Variants in PBX1 observed in about 807,000 individuals in gnomAD.
The protein encoded by PBX1 is PBX homeobox 1, also known as pre-B-cell leukemia transcription factor 1.
In PBX1, 6 loss-of-function variants were observed where a neutral mutation model predicts 53.4. That is an observed-to-expected ratio of 0.11 (90% confidence interval 0.06 to 0.22). The LOEUF is 0.22. PBX1 is among the 10% of genes least tolerant of loss of function. The pLI is 1.00. For synonymous variants in PBX1, 204 were observed against 212.3 expected (o/e 0.96, Z 0.34); for missense variants, 251 against 551.4 (o/e 0.46, Z 5.46).
chr1:164,617,366 T>A lies in PBX1; in HGVS notation c.265+54055T>A, dbSNP rs372685710. Among the ~76,000 whole-genome samples the A allele has an allele frequency of 1.1e-4, 17 of 152,344 alleles. No individual in the cohort carries two copies. The East Asian group carries it at 2.1e-3, about 19-fold the overall frequency. On this transcript the variant is annotated intron_variant, in intron 2 of 8. Transcript: ENST00000420696. ...GGATAAAATGGCACAGACCGCTAGA[T>A]CAGCCACCCAAGACTATGGATGGTG...
chr1:164,641,481 C>G (rs922067681), intron 2 of PBX1: 1 of 153,034 alleles, frequency 6.5e-6, no homozygotes. Context: ...CTCATCTTCC[C>G]GTGCCCTAGT....
intron 2 of PBX1, among the ~76,000 whole-genome samples, chr1:164,643,754 A>G (rs1659290209): frequency 6.6e-6 from 1 of 152,238 alleles, no homozygotes; most frequent in Non-Finnish European, 1.5e-5. Flanking sequence ...GTTATCACAT[A>G]TATTTTATAG....
At chr1:164,745,320 T>C (rs1298749364) in intron 2 of PBX1, among the ~76,000 whole-genome samples, 1 of 152,184 alleles carries the variant, frequency 6.6e-6, no homozygotes, top group African/African-American at 2.4e-5. Context: ...GTATTAAAAG[T>C]CCTTTGTAAA....
In PBX1 at chr1:164,788,831, C is replaced by CT. The variant is rs982013344; in HGVS notation, c.266-3662dup. ...GGGACCTATTTATGTGTCTTGAACT[C>CT]TAAGTGTAAATGCAAGCAATATTTA... is the stretch of plus-strand genomic sequence containing the variant. On this transcript the variant is annotated intron_variant, in intron 2 of 8. Coordinates refer to ENST00000420696, the MANE Select transcript of PBX1 (RefSeq NM_002585.4). Among the ~76,000 whole-genome samples the CT allele has an allele frequency of 9.1e-5, 12 of 131,786 alleles. No homozygotes were observed. The Admixed American group carries it at 1.1e-3, about 12-fold the overall frequency. 86.5% of individuals were successfully genotyped at this position (131,786 alleles called of 152,430 possible). A position where few individuals can be genotyped will look rare whatever the true frequency, so the allele number is the denominator to read the frequency against.
intron 2 of PBX1, among the ~76,000 whole-genome samples, chr1:164,664,326 C>T (rs944455559): frequency 2.0e-5 from 3 of 152,128 alleles, no homozygotes; most frequent in Admixed American, 1.3e-4. Context: ...TAGTTGGTGT[C>T]CCTCTAGTCA....
chr1:164,561,182 A>G (rs1653013535), intron 1 of PBX1, among the ~76,000 whole-genome samples: 1 of 152,236 alleles, frequency 6.6e-6, no homozygotes, highest in African/African-American at 2.4e-5. Flanking sequence ...CTGTAAACAA[A>G]TATACGCAAC....
chr1:164,650,357 T>C (rs967619717), intron 2 of PBX1, among the ~76,000 whole-genome samples: 1 of 151,716 alleles, frequency 6.6e-6, no homozygotes, highest in African/African-American at 2.4e-5. Context: ...GCCTCCTGAG[T>C]AGCTGGGATT....
chr1:164,759,718 A>G (rs1428361684), intron 2 of PBX1, among the ~76,000 whole-genome samples: 2 of 152,280 alleles, frequency 1.3e-5, no homozygotes, highest in South Asian at 2.1e-4. Context: ...CAGGTGGACA[A>G]TCGGGGACAT....
chr1:164,575,928 T>C (rs1402456965), intron 2 of PBX1, among the ~76,000 whole-genome samples: 2 of 151,568 alleles, frequency 1.3e-5, no homozygotes, highest in Non-Finnish European at 2.9e-5. Context: ...GCCCAAGAAG[T>C]AACCACATCG....
At chr1:164,672,216 C>T (rs1259755501) in intron 2 of PBX1, among the ~76,000 whole-genome samples, 1 of 151,948 alleles carries the variant, frequency 6.6e-6, no homozygotes, top group East Asian at 1.9e-4. Flanking sequence ...AGGGCCACTG[C>T]ATGTGTTTAT....
chr1:164,747,813 G>A (rs745717518), intron 2 of PBX1, among the ~76,000 whole-genome samples: 10 of 152,112 alleles, frequency 6.6e-5, no homozygotes, highest in Admixed American at 2.0e-4. Context: ...GAGGAATTGT[G>A]TCTAGCCCTA....
chr1:164,780,409 T>A (rs1423586774), intron 2 of PBX1, among the ~76,000 whole-genome samples: 1 of 152,224 alleles, frequency 6.6e-6, no homozygotes, highest in Non-Finnish European at 1.5e-5. Flanking sequence ...CCCTGGAAAC[T>A]TGAATCGGCA....
At chr1:164,801,690 C>T (rs371846717) in intron 4 of PBX1, among the ~76,000 whole-genome samples, 1 of 152,208 alleles carries the variant, frequency 6.6e-6, no homozygotes, top group East Asian at 1.9e-4. Flanking sequence ...CGGACAATCA[C>T]TTTAAGACAG....
intron 2 of PBX1, among the ~76,000 whole-genome samples, chr1:164,733,405 T>C (rs1386236134): frequency 6.6e-6 from 1 of 152,144 alleles, no homozygotes; most frequent in Non-Finnish European, 1.5e-5. Context: ...CAAGGGTACA[T>C]AGGGCCTTAT....
intron 2 of PBX1, among the ~76,000 whole-genome samples, chr1:164,676,622 G>GT (rs1553228952): frequency 6.6e-6 from 1 of 152,208 alleles, no homozygotes; most frequent in Non-Finnish European, 1.5e-5. Flanking sequence ...TAATTGAAGC[G>GT]TTTAAGAGGA....
chr1:164,812,451 A>G (rs1389633788), intron 6 of PBX1, among the ~76,000 whole-genome samples: 6 of 152,314 alleles, frequency 3.9e-5, no homozygotes, highest in Non-Finnish European at 7.3e-5. Flanking sequence ...AGGGATATCA[A>G]TAAGTAAGTT....
chr1:164,647,084 C>G (rs1344437299), intron 2 of PBX1, among the ~76,000 whole-genome samples: 2 of 152,226 alleles, frequency 1.3e-5, no homozygotes. Flanking sequence ...ATTTTATTTG[C>G]TTGGGTTTGT....
intron 2 of PBX1, among the ~76,000 whole-genome samples, chr1:164,696,787 G>A (rs533091998): frequency 2.4e-4 from 36 of 152,256 alleles, no homozygotes; most frequent in Non-Finnish European, 4.9e-4. Flanking sequence ...ATAGGATAGC[G>A]CTGTATCTGT....
At chr1:164,784,326 G>A (rs951162982) in intron 2 of PBX1, among the ~76,000 whole-genome samples, 3 of 152,164 alleles carry the variant, frequency 2.0e-5, no homozygotes, top group East Asian at 1.9e-4. Flanking sequence ...CCAGGCAGCC[G>A]GCACCCATCC....
Sources: allele counts gnomAD v4.1 joint callset (sites outside exome capture counted in the v4.1 genomes callset), GRCh38; gene constraint gnomAD v4.1.1; transcripts MANE v1.5; gene names NCBI Gene and HGNC (gene_info 2026-07-23, HGNC 2026-07-21).